Variants in HAGH observed in about 807,000 individuals in gnomAD.
HAGH encodes the protein hydroxyacylglutathione hydrolase, also known as hydroxyacylglutathione hydrolase, mitochondrial.
A neutral mutation model predicts 35.1 loss-of-function variants in HAGH; 29 were observed. The ratio of observed to expected loss-of-function variants is 0.83; its 90% CI spans 0.62 to 1.13. The LOEUF is 1.13. Ranked by LOEUF, HAGH falls within the 50% of genes most tolerant of loss-of-function variation. The pLI, the probability that HAGH is intolerant of heterozygous loss-of-function variation, is 0.00. For missense variants in HAGH, 478 were observed against 419.6 expected (o/e 1.14, Z -1.22); for synonymous variants, 225 against 176.1 (o/e 1.28, Z -2.20).
chr16:1,819,060 G>A (rs748876292), intron 5 of HAGH, 55 bp downstream of exon 5: 1 of 1,107,732 alleles, frequency 9.0e-7, no homozygotes, highest in Non-Finnish European at 1.4e-6. Context: ...TGCCTGGCAG[G>A]AGACACAGGG....
At position 1,809,361 on chromosome 16, in the gene HAGH, G is replaced by A. The variant is rs771431266; in HGVS notation, c.849C>T (p.His283=). ...MRVREKTVQQ[H]AGETDPVTTM... ...TGGTCACCGGGTCCGTCTCACCTGC[G>A]TGCTGCTGCACCGTCTTCTCCCTGC... Residue 283 remains histidine (H), a synonymous_variant, in exon 9 of 9, where the codon CAC becomes CAT. Coordinates refer to ENST00000397356, the MANE Select transcript of HAGH (RefSeq NM_005326.6). 5.2e-5 allele frequency: 84 copies of A among 1,612,088 alleles called. No homozygotes were observed. The highest frequency in any genetic ancestry group is 6.5e-5 in the Non-Finnish European group (77 of 1,179,816).
chr16:1,824,948 G>A (rs1013947162), intron 1 of HAGH, among the ~76,000 whole-genome samples: 2 of 152,178 alleles, frequency 1.3e-5, no homozygotes, highest in African/African-American at 4.8e-5. Context: ...GGGTGCAGAA[G>A]GGTTGTGACA....
chr16:1,811,479 G>A (rs1897644661), intron 7 of HAGH, among the ~76,000 whole-genome samples: 4 of 64,218 alleles, frequency 6.2e-5, no homozygotes, highest in Non-Finnish European at 1.0e-4. Flanking sequence ...GGGGGAGGCT[G>A]AGGCAGGTGG....
At chr16:1,823,172 C>T (rs757236391) in intron 1 of HAGH, 135 bp from the exon 2 acceptor site, 4 of 739,358 alleles carry the variant, frequency 5.4e-6, no homozygotes, top group East Asian at 2.6e-5. Context: ...TGGTTCTTGC[C>T]GGGAATCCCA....
At position 1,809,257 on chromosome 16, in the gene HAGH, A is replaced by T. The variant is rs1426510604; in HGVS notation, c.*26T>A. 3 of 1,515,946 alleles carry T rather than the reference A, an allele frequency of 2.0e-6. No homozygotes were observed. In the South Asian group the frequency reaches 3.5e-5, roughly 17 times the overall value. The allele number at this position is 1,515,946 out of a possible 1,614,324, so 93.9% of individuals were successfully genotyped here. On this transcript the variant is annotated 3_prime_UTR_variant, in exon 9 of 9. Coordinates refer to ENST00000397356, the MANE Select transcript of HAGH (RefSeq NM_005326.6). ...AGTTACCTAAAAGAGCCTAATCCCC[A>T]AATCCGCTGAAGGTGCAGGGCGGCC...
rs1420584518 is a variant in HAGH, at chr16:1,820,025, A to G, written c.315-11T>C. The G allele has an allele frequency of 1.3e-6, 2 of 1,572,346 alleles. No individual in the cohort carries two copies. Among genetic ancestry groups the G allele is most frequent in the African/African-American group, 2.8e-5 (2 of 72,538 alleles). On this transcript the variant is annotated splice_polypyrimidine_tract_variant and intron_variant, in intron 3 of 8. Transcript: ENST00000397356. ...CCGCCAGCATGGTCCCTAGAAGTCA[A>G]ACAGGAGACCTGGGCTGCCTGCTGA...
chr16:1,826,990 G>GAGC, upstream of HAGH: 1 of 640,218 alleles, frequency 1.6e-6, no homozygotes, highest in South Asian at 2.7e-5. Context: ...ACGGGCCTGG[G>GAGC]AGCGGCGGCG....
At chr16:1,813,234 C>G (rs925137391) in intron 7 of HAGH, among the ~76,000 whole-genome samples, 6 of 152,116 alleles carry the variant, frequency 3.9e-5, no homozygotes, top group East Asian at 1.9e-4. Context: ...TTGCCTCCCC[C>G]ACTCTCTCCT....
intron 1 of HAGH, among the ~76,000 whole-genome samples, chr16:1,826,324 C>T (rs963304114): frequency 1.3e-5 from 2 of 150,522 alleles, no homozygotes; most frequent in African/African-American, 4.8e-5. Flanking sequence ...GTCCTTGCAG[C>T]GGGGCAGCAG....
At chr16:1,815,990 G>C (rs1487864115) in intron 7 of HAGH, among the ~76,000 whole-genome samples, 1 of 130,828 alleles carries the variant, frequency 7.6e-6, no homozygotes, top group Non-Finnish European at 1.5e-5. Flanking sequence ...CACCAGGCTG[G>C]AGCGCAGTGG....
In HAGH at chr16:1,822,327, G is replaced by A. The variant is rs202126368; in HGVS notation, c.287C>T (p.Thr96Ile). Residue 96 changes from threonine to isoleucine, a missense_variant, in exon 3 of 9, where the codon ACC (threonine) becomes ATC (isoleucine). Transcript: ENST00000397356. ...DAARKHGVKL[T>I]TVLTTHHHWD... ...GTGGTGGTGGGTGGTGAGCACTGTG[G>A]TCAGTTTCACCCCGTGCTTTCTCGC... 1 of 1,611,938 alleles carries A rather than the reference G, an allele frequency of 6.2e-7. No individual in the cohort carries two copies. Among genetic ancestry groups the A allele is most frequent in the Non-Finnish European group, 8.5e-7 (1 of 1,178,730 alleles).
intron 4 of HAGH, 146 bp downstream of exon 4, chr16:1,819,751 G>C (rs1596931242): frequency 1.7e-6 from 1 of 573,148 alleles, no homozygotes. Flanking sequence ...CCTAGACAGA[G>C]AAGACCATCC....
Position 1,819,933 on chromosome 16 carries a change from G to C in HAGH, c.396C>G (p.Ala132=), listed in dbSNP as rs1898074002. The change falls in exon 4 of 9, where the codon GCC becomes GCG. Residue 132 remains alanine (A), a synonymous_variant. Coordinates refer to ENST00000397356, the MANE Select transcript of HAGH (RefSeq NM_005326.6). ...KVYGGDDRIG[A]LTHKITHLST... ...ACAGGTGAGTGATCTTGTGAGTCAG[G>C]GCCCCGATACGGTCGTCACCCCCGT... The C allele has an allele frequency of 1.9e-6, 3 of 1,612,670 alleles. No homozygotes were observed. In the African/African-American group the frequency reaches 4.0e-5, roughly 22 times the overall value.
intron 5 of HAGH, 67 bp downstream of exon 5, chr16:1,819,048 C>T (rs1377415594): frequency 4.0e-6 from 4 of 1,011,616 alleles, no homozygotes; most frequent in Non-Finnish European, 6.2e-6. Context: ...GCCCCGTGAG[C>T]CTGCCTGGCA....
intron 6 of HAGH, 85 bp from the exon 7 acceptor site, chr16:1,817,079 G>T: frequency 2.3e-6 from 3 of 1,326,336 alleles, no homozygotes; most frequent in Non-Finnish European, 3.3e-6. Flanking sequence ...GCCCCCGGGG[G>T]GTGTCCGGTG....
intron 7 of HAGH, among the ~76,000 whole-genome samples, chr16:1,812,824 C>A (rs956278420): frequency 6.6e-6 from 1 of 152,336 alleles, no homozygotes; most frequent in East Asian, 1.9e-4. Flanking sequence ...GAGGCGGCCT[C>A]TCACCAGGGA....
rs371388754 is a variant in HAGH at position 1,819,234 on chromosome 16, G to A, written c.433-11C>T. Reference sequence around the variant, plus strand: ...GTTCAGAGACCCCACCTTCAACAAAGCAGGCGACCGCGTGTGCTCCCAGAC... The same window carrying A: ...GTTCAGAGACCCCACCTTCAACAAAACAGGCGACCGCGTGTGCTCCCAGAC... On this transcript the variant is annotated splice_polypyrimidine_tract_variant and intron_variant, in intron 4 of 8. Coordinates refer to ENST00000397356, the MANE Select transcript of HAGH (RefSeq NM_005326.6). 2 of 1,560,504 alleles carry A rather than the reference G, an allele frequency of 1.3e-6. No individual in the cohort carries two copies. The highest frequency in any genetic ancestry group is 8.8e-7 in the Non-Finnish European group (1 of 1,135,928).
At chr16:1,823,402 G>A (rs1005983598) in intron 1 of HAGH, among the ~76,000 whole-genome samples, 1 of 151,798 alleles carries the variant, frequency 6.6e-6, no homozygotes, top group Non-Finnish European at 1.5e-5. Flanking sequence ...TGAGTAGCTG[G>A]GACTACAGAC....
At chr16:1,826,948 G>C (rs7188401), upstream of HAGH, 203,858 of 629,680 alleles carry the variant, frequency 0.32, 35,140 homozygotes, top group South Asian at 0.53. Flanking sequence ...AACTTGTTTT[G>C]TCCGCGAGCC....
Sources: gnomAD v4.1 joint callset for allele counts (sites outside exome capture counted in the v4.1 genomes callset) on GRCh38, gnomAD v4.1.1 for gene constraint, MANE v1.5 for transcripts, NCBI Gene and HGNC (gene_info 2026-07-23, HGNC 2026-07-21) for gene names.